Variants in UIMC1 observed in about 807,000 individuals in gnomAD.
UIMC1 encodes ubiquitin interaction motif containing 1, also known as BRCA1-A complex subunit RAP80.
In UIMC1, 42 loss-of-function variants were observed where a neutral mutation model predicts 84.9. The observed-to-expected ratio is 0.49, with a 90% CI of 0.39 to 0.64. UIMC1 has a LOEUF of 0.64. Among genes scored for constraint, UIMC1 ranks in the 30% least tolerant of loss-of-function variants. The pLI is 0.00. For missense variants in UIMC1, 825 were observed against 847.6 expected (o/e 0.97, Z 0.33); for synonymous variants, 281 against 293.0 (o/e 0.96, Z 0.42).
chr5:176,982,696 A>C, intron 1 of UIMC1, 73 bp from the exon 2 acceptor site: 1 of 1,485,398 alleles, frequency 6.7e-7, no homozygotes, highest in Non-Finnish European at 9.0e-7. Context: ...GTTTTCTAGA[A>C]GCTATTCAAC....
At chr5:176,957,786 T>C (rs1213008072) in intron 7 of UIMC1, among the ~76,000 whole-genome samples, 3 of 152,128 alleles carry the variant, frequency 2.0e-5, no homozygotes, top group Non-Finnish European at 2.9e-5. Context: ...AGAAAACTAG[T>C]GTAATTAGTT....
At chr5:177,007,833 G>C (rs1317368758), upstream of UIMC1, among the ~76,000 whole-genome samples, 1 of 152,104 alleles carries the variant, frequency 6.6e-6, no homozygotes, top group African/African-American at 2.4e-5. Flanking sequence ...GGCCAGGCGT[G>C]GTGGATCACG....
chr5:176,985,242 C>T (rs572806339), intron 1 of UIMC1, among the ~76,000 whole-genome samples: 10 of 151,500 alleles, frequency 6.6e-5, no homozygotes, highest in African/African-American at 2.4e-4. Context: ...GATCATTTGA[C>T]GTGAGGAGTT....
At chr5:176,925,388 C>T (rs183000332) in intron 10 of UIMC1, among the ~76,000 whole-genome samples, 10 of 151,838 alleles carry the variant, frequency 6.6e-5, no homozygotes, top group African/African-American at 2.4e-4. Context: ...GCTCATAAAC[C>T]GCTAGTGGGA....
chr5:176,968,818 G>C lies in UIMC1; in HGVS notation c.937C>G (p.Gln313Glu), dbSNP rs766536689. The change falls in exon 6 of 15, where the codon CAG (glutamine) becomes GAG (glutamate). Residue 313 changes from glutamine to glutamate, a missense_variant. By Grantham distance (29) the Gln-to-Glu change is conservative (BLOSUM62 2). Coordinates refer to ENST00000511320, the MANE Select transcript of UIMC1 (RefSeq NM_001199298.2). ...YQKSLKMAQR[Q>E]LLNKKGFGEP... Reference sequence around the variant, plus strand: ...CCAAAACCTTTTTTATTAAGGAGCTGCCTCTGAGCCATTTTCAGGCTCTTT... The same window carrying C: ...CCAAAACCTTTTTTATTAAGGAGCTCCCTCTGAGCCATTTTCAGGCTCTTT... 5.0e-6 allele frequency: 8 copies of C among 1,614,070 alleles called. No homozygotes were observed. Among genetic ancestry groups the C allele is most frequent in the Non-Finnish European group, 6.8e-6 (8 of 1,180,042 alleles).
At chr5:176,963,449 A>T (rs1255633086) in intron 6 of UIMC1, among the ~76,000 whole-genome samples, 1 of 149,088 alleles carries the variant, frequency 6.7e-6, no homozygotes, top group African/African-American at 2.5e-5. Flanking sequence ...TGAACCCGGG[A>T]GGTGGAGGTT....
chr5:176,928,727 G>A (rs1436418498), intron 10 of UIMC1, among the ~76,000 whole-genome samples: 4 of 152,014 alleles, frequency 2.6e-5, no homozygotes, highest in African/African-American at 7.2e-5. Flanking sequence ...TGAGGTGGGC[G>A]GATCACGAGG....
chr5:176,915,520 G>C (rs562652354), intron 10 of UIMC1, among the ~76,000 whole-genome samples: 6 of 150,988 alleles, frequency 4.0e-5, no homozygotes, highest in Non-Finnish European at 8.9e-5. Context: ...CAGTGGTGTG[G>C]TATCGGCTCA....
At chr5:176,978,697 C>T (rs1315636835) in intron 2 of UIMC1, among the ~76,000 whole-genome samples, 1 of 151,682 alleles carries the variant, frequency 6.6e-6, no homozygotes, top group Admixed American at 6.6e-5. Context: ...TTCAGAAATG[C>T]AAAGATGTTC....
At chr5:176,923,123 G>T (rs1254585992) in intron 10 of UIMC1, among the ~76,000 whole-genome samples, 1 of 152,108 alleles carries the variant, frequency 6.6e-6, no homozygotes, top group East Asian at 1.9e-4. Context: ...TTTCTATTTA[G>T]GAACTACCAA....
At chr5:176,981,425 T>G (rs2149503368) in intron 2 of UIMC1, among the ~76,000 whole-genome samples, 1 of 152,198 alleles carries the variant, frequency 6.6e-6, no homozygotes, top group East Asian at 1.9e-4. Context: ...ATTACAGGTG[T>G]GAGCTGCCGT....
At chr5:177,018,885 T>C (rs150788234) in intron 1 of UIMC1, among the ~76,000 whole-genome samples, 1,632 of 152,320 alleles carry the variant, frequency 0.011, 11 homozygotes, top group South Asian at 0.025. Context: ...AAGCAACTTA[T>C]ATACTCCACT....
At chr5:176,958,220 A>T (rs112475075) in intron 6 of UIMC1, 66 bp from the exon 7 acceptor site, 1 of 1,376,804 alleles carries the variant, frequency 7.3e-7, no homozygotes, top group African/African-American at 1.4e-5. Context: ...TTCCTTTTTT[A>T]AAAAAATTTA....
chr5:176,952,072 C>T (rs1340439018), intron 8 of UIMC1, among the ~76,000 whole-genome samples: 1 of 152,204 alleles, frequency 6.6e-6, no homozygotes, highest in African/African-American at 2.4e-5. Flanking sequence ...CACATAATAT[C>T]AATAGTTCAT....
chr5:176,936,733 C>T (rs1763757288), intron 10 of UIMC1, among the ~76,000 whole-genome samples: 1 of 152,144 alleles, frequency 6.6e-6, no homozygotes, highest in Non-Finnish European at 1.5e-5. Context: ...ACTCTCCCCA[C>T]CTCACAATCT....
chr5:176,908,484 G>A, intron 12 of UIMC1, 39 bp downstream of exon 12: 1 of 1,580,094 alleles, frequency 6.3e-7, no homozygotes, highest in Non-Finnish European at 8.6e-7. Context: ...TGACAACCAG[G>A]AGGGTTAGGT....
intron 6 of UIMC1, among the ~76,000 whole-genome samples, chr5:176,960,105 T>C (rs547039605): frequency 3.9e-5 from 6 of 152,236 alleles, no homozygotes; most frequent in Non-Finnish European, 8.8e-5. Context: ...TTATCTCCTT[T>C]AATTCTCACA....
chr5:176,985,246 A>C (rs1281448622), intron 1 of UIMC1, among the ~76,000 whole-genome samples: 1 of 152,042 alleles, frequency 6.6e-6, no homozygotes, highest in African/African-American at 2.4e-5. Flanking sequence ...ATTTGACGTG[A>C]GGAGTTGGAG....
At chr5:176,950,389 C>G (rs950270687) in intron 9 of UIMC1, among the ~76,000 whole-genome samples, 2 of 151,414 alleles carry the variant, frequency 1.3e-5, no homozygotes, top group African/African-American at 4.8e-5. Flanking sequence ...TGAGCCACTG[C>G]GCCCGGCCAA....
Sources: gnomAD v4.1 joint callset for allele counts (sites outside exome capture counted in the v4.1 genomes callset) on GRCh38, gnomAD v4.1.1 for gene constraint, MANE v1.5 for transcripts, NCBI Gene and HGNC (gene_info 2026-07-23, HGNC 2026-07-21) for gene names.